The following SLC49A4 variants were observed in gnomAD, a reference collection of about 807,000 sequenced individuals.
SLC49A4 encodes the protein disrupted in renal cancer protein 2.
SLC49A4 carries 36 observed loss-of-function variants against 50.6 expected under a neutral mutation model. The ratio of observed to expected loss-of-function variants is 0.71; its 90% CI spans 0.55 to 0.94. SLC49A4 has a LOEUF of 0.94. Ranked by LOEUF, SLC49A4 falls within the 40% of genes least tolerant of loss-of-function variation. The pLI, the probability that SLC49A4 is intolerant of heterozygous loss-of-function variation, is 0.00. For missense variants in SLC49A4, 503 were observed against 605.7 expected (o/e 0.83, Z 1.78); for synonymous variants, 248 against 241.2 (o/e 1.03, Z -0.26).
chr3:122,867,821 A>T (rs988801868), intron 7 of SLC49A4, among the ~76,000 whole-genome samples: 2 of 151,994 alleles, frequency 1.3e-5, no homozygotes, highest in Admixed American at 1.3e-4. Flanking sequence ...CTCTAGTAAG[A>T]ATACAAAAAA....
chr3:122,825,593 C>T (rs1015600831), intron 2 of SLC49A4, among the ~76,000 whole-genome samples: 2 of 150,990 alleles, frequency 1.3e-5, no homozygotes, highest in Non-Finnish European at 2.9e-5. Flanking sequence ...TTTTTCTCTT[C>T]GGCATTCAGC....
intron 6 of SLC49A4, among the ~76,000 whole-genome samples, 179 bp from the exon 7 acceptor site, chr3:122,859,896 G>GA (rs1937036235): frequency 6.6e-6 from 1 of 151,476 alleles, no homozygotes; most frequent in Admixed American, 6.6e-5. Context: ...TTTTATAAGA[G>GA]AAAAAAAATT....
chr3:122,821,057 T>C (rs1170667849), intron 2 of SLC49A4, among the ~76,000 whole-genome samples: 4 of 152,196 alleles, frequency 2.6e-5, no homozygotes, highest in African/African-American at 9.7e-5. Flanking sequence ...TGAGATCTGA[T>C]GGTTTTATAA....
chr3:122,873,449 G>A (rs1403555740), intron 8 of SLC49A4, among the ~76,000 whole-genome samples: 2 of 152,074 alleles, frequency 1.3e-5, no homozygotes, highest in Non-Finnish European at 2.9e-5. Flanking sequence ...TAAAGTGCTG[G>A]GATTACAGGC....
intron 1 of SLC49A4, among the ~76,000 whole-genome samples, chr3:122,798,803 A>G (rs879850247): frequency 2.0e-5 from 3 of 151,402 alleles, no homozygotes; most frequent in Non-Finnish European, 4.4e-5. Context: ...AAGCCTGGCT[A>G]GTTTTTTGTA....
At position 122,842,910 on chromosome 3, in the gene SLC49A4, C is replaced by T. The variant is rs115095303; in HGVS notation, c.834-2853C>T. ...TGGGCCTGCCATGCCCCATTCCCTTCCTACCAGTGTAATTACCCCCAGTCT... is the reference window on the plus strand; with the variant it reads ...TGGGCCTGCCATGCCCCATTCCCTTTCTACCAGTGTAATTACCCCCAGTCT... On this transcript the variant is annotated intron_variant, in intron 4 of 8. Coordinates refer to ENST00000261038, the MANE Select transcript of SLC49A4 (RefSeq NM_032839.3). 8.1e-3 allele frequency among the ~76,000 whole-genome samples: 1,230 copies of T among 152,328 alleles called. 9 individuals are homozygous for T. The highest frequency in any genetic ancestry group is 0.026 in the African/African-American group (1,078 of 41,556).
intron 2 of SLC49A4, among the ~76,000 whole-genome samples, chr3:122,815,543 C>T (rs1005358811): frequency 2.0e-5 from 3 of 152,202 alleles, no homozygotes; most frequent in Admixed American, 1.3e-4. Flanking sequence ...AATAAATAGG[C>T]AGAGACAGTT....
intron 2 of SLC49A4, among the ~76,000 whole-genome samples, chr3:122,817,499 A>G (rs1166980354): frequency 3.3e-5 from 5 of 152,178 alleles, no homozygotes; most frequent in African/African-American, 1.2e-4. Context: ...GTAATTTGTT[A>G]TAGCAGGACT....
chr3:122,870,620 C>T (rs1375171704), intron 7 of SLC49A4, among the ~76,000 whole-genome samples: 1 of 150,284 alleles, frequency 6.7e-6, no homozygotes, highest in Non-Finnish European at 1.5e-5. Flanking sequence ...ACCAGCCTGG[C>T]CAACATGGTG....
chr3:122,840,240 G>A (rs1027786160), intron 4 of SLC49A4, among the ~76,000 whole-genome samples: 3 of 152,130 alleles, frequency 2.0e-5, no homozygotes, highest in Non-Finnish European at 2.9e-5. Context: ...GAATGGAGAG[G>A]ATGGTGGAGA....
At chr3:122,876,191 C>A (rs1456505485) in intron 8 of SLC49A4, among the ~76,000 whole-genome samples, 1 of 152,146 alleles carries the variant, frequency 6.6e-6, no homozygotes, top group African/African-American at 2.4e-5. Flanking sequence ...ATAGAAAAAT[C>A]AATTTGAGAA....
At chr3:122,871,610 G>A (rs75262892) in intron 7 of SLC49A4, among the ~76,000 whole-genome samples, 209 of 152,072 alleles carry the variant, frequency 1.4e-3, no homozygotes, top group African/African-American at 4.8e-3. Flanking sequence ...ACATGTTTTA[G>A]GTTTCTAAAT....
chr3:122,815,513 A>G (rs79983473), intron 2 of SLC49A4, among the ~76,000 whole-genome samples: 7,671 of 152,314 alleles, frequency 0.05, 266 homozygotes, highest in Middle Eastern at 0.11. Flanking sequence ...AGGATGCCAT[A>G]CCAAAACAAA....
intron 2 of SLC49A4, among the ~76,000 whole-genome samples, chr3:122,820,105 A>G (rs1197988507): frequency 6.6e-6 from 1 of 152,226 alleles, no homozygotes; most frequent in Admixed American, 6.5e-5. Flanking sequence ...AAGCAGGTTG[A>G]TTAACAGAAT....
At chr3:122,818,972 G>A (rs1192773357) in intron 2 of SLC49A4, among the ~76,000 whole-genome samples, 1 of 151,328 alleles carries the variant, frequency 6.6e-6, no homozygotes, top group African/African-American at 2.4e-5. Flanking sequence ...TATTGTGAGA[G>A]GCCAGCCTCT....
chr3:122,800,884 A>G (rs1051889714), intron 1 of SLC49A4, among the ~76,000 whole-genome samples: 1 of 152,254 alleles, frequency 6.6e-6, no homozygotes, highest in Non-Finnish European at 1.5e-5. Context: ...ACTATTTTAT[A>G]GAAAAATGGA....
At chr3:122,821,643 C>T (rs1000492213) in intron 2 of SLC49A4, among the ~76,000 whole-genome samples, 1 of 152,160 alleles carries the variant, frequency 6.6e-6, no homozygotes, top group African/African-American at 2.4e-5. Context: ...TGGACAACTG[C>T]CTTTCTGCTC....
At chr3:122,796,543 G>T (rs938389703) in intron 1 of SLC49A4, among the ~76,000 whole-genome samples, 2 of 152,098 alleles carry the variant, frequency 1.3e-5, no homozygotes, top group African/African-American at 2.4e-5. Context: ...GTCGGGTGAG[G>T]GCCTGCTTCC....
chr3:122,809,462 C>T (rs998656059), intron 2 of SLC49A4, among the ~76,000 whole-genome samples: 2 of 152,160 alleles, frequency 1.3e-5, no homozygotes, highest in African/African-American at 2.4e-5. Context: ...TGGCCCACAC[C>T]TGTAATCCCA....
Sources: allele counts gnomAD v4.1 joint callset (sites outside exome capture counted in the v4.1 genomes callset), GRCh38; gene constraint gnomAD v4.1.1; transcripts MANE v1.5; gene names NCBI Gene and HGNC (gene_info 2026-07-23, HGNC 2026-07-21).